RBM44: variants seen among roughly 807,000 people sequenced by gnomAD.
RBM44 encodes the protein RNA-binding protein 44.
A neutral mutation model predicts 105.1 loss-of-function variants in RBM44; 66 were observed. The ratio of observed to expected loss-of-function variants is 0.63; its 90% confidence interval spans 0.52 to 0.77. The LOEUF is 0.77. RBM44 is among the 30% of genes least tolerant of loss of function. The pLI is 0.00. For missense variants in RBM44, 1,122 were observed against 1,207.8 expected (o/e 0.93, Z 1.05); for synonymous variants, 365 against 417.6 (o/e 0.87, Z 1.54).
intron 5 of RBM44, 69 bp downstream of exon 5, chr2:237,820,420 T>C (rs1343664474): frequency 1.1e-6 from 1 of 933,078 alleles, no homozygotes; most frequent in Admixed American, 3.3e-5. Context: ...TTCTAGAGAG[T>C]TTCTCTAATT....
chr2:237,799,803 T>C (rs1369110720), intron 1 of RBM44, among the ~76,000 whole-genome samples: 3 of 152,182 alleles, frequency 2.0e-5, no homozygotes, highest in Admixed American at 6.5e-5. Context: ...GAAAGATTAT[T>C]CTGGCCAGAT....
rs904037758 is a variant in RBM44, at chr2:237,803,564, T to C, written c.-19+4703T>C. Among the ~76,000 whole-genome samples, 3 of 152,208 alleles carry C rather than the reference T, an allele frequency of 2.0e-5. No individual in the cohort carries two copies. The highest frequency in any genetic ancestry group is 2.0e-4 in the Admixed American group (3 of 15,284). ...GATATATGGATTGTGAATACTTTATTCCAGTCTTTGGCTTGTGTTTCCATT... is the reference window on the plus strand; with the variant it reads ...GATATATGGATTGTGAATACTTTATCCCAGTCTTTGGCTTGTGTTTCCATT... On this transcript the variant is annotated intron_variant, in intron 1 of 15. Transcript: ENST00000316997. The surrounding 1 kb of genome is among the most constrained non-coding windows in gnomAD (Gnocchi z 4.2).
At chr2:237,815,746 A>C (rs896354310) in intron 2 of RBM44, among the ~76,000 whole-genome samples, 31 of 152,070 alleles carry the variant, frequency 2.0e-4, no homozygotes, top group African/African-American at 7.5e-4. Context: ...TTTGAAAACC[A>C]CTGCTCTCTC....
Position 237,798,869 on chromosome 2 carries a change from G to C in RBM44, c.-19+8G>C, listed in dbSNP as rs1158336534. 6.5e-6 allele frequency: 1 copy of C among 153,614 alleles called. No individual in the cohort carries two copies. Among genetic ancestry groups the C allele is most frequent in the Admixed American group, 6.5e-5 (1 of 15,284 alleles). 9.5% of individuals were successfully genotyped at this position (153,614 alleles called of 1,614,324 possible). On this transcript the variant is annotated splice_region_variant and intron_variant, in intron 1 of 15. Transcript: ENST00000316997. The surrounding 1 kb of genome is among the most constrained non-coding windows in gnomAD (Gnocchi z 4.3). The stretch of plus-strand genomic sequence containing the variant: ...CTTTCTAGCGGATCCGAGGTGCGAC[G>C]GACAGAGACGCGGGGCGGCAGGTCG...
At chr2:237,829,574 A>G in intron 13 of RBM44, 72 bp downstream of exon 13, 1 of 1,278,832 alleles carries the variant, frequency 7.8e-7, no homozygotes, top group Non-Finnish European at 1.1e-6. Flanking sequence ...TGTAGAATAA[A>G]TAACTTCAAT....
chr2:237,834,158 A>G lies in RBM44; in HGVS notation c.3032+16A>G. On this transcript the variant is annotated intron_variant, in intron 14 of 15. Transcript: ENST00000316997. Reference sequence around the variant, plus strand: ...AAGTCAGCAGGTAATAACCAAAATTATATTTTAACTGCTTTAAAACTTCTG... The same window carrying G: ...AAGTCAGCAGGTAATAACCAAAATTGTATTTTAACTGCTTTAAAACTTCTG... 1 of 1,547,048 alleles carries G rather than the reference A, an allele frequency of 6.5e-7. No homozygotes were observed. Among genetic ancestry groups the G allele is most frequent in the Non-Finnish European group, 8.7e-7 (1 of 1,146,528 alleles).
Position 237,817,470 on chromosome 2 carries a change from C to CA in RBM44, c.552dup (p.Gln185ThrfsTer15). On this transcript the variant is annotated frameshift_variant, in exon 3 of 16. Coordinates refer to ENST00000316997, the MANE Select transcript of RBM44 (RefSeq NM_001080504.3). LOFTEE classifies it high-confidence loss of function. ...CAAAAGCATGATACAGATGAAGACT[C>CA]ACAGCAGGAATATCACAGTGCAGAA... 1.2e-6 allele frequency: 2 copies of CA among 1,602,062 alleles called. No homozygotes were observed. Among genetic ancestry groups the CA allele is most frequent in the Non-Finnish European group, 1.7e-6 (2 of 1,173,542 alleles).
intron 13 of RBM44, among the ~76,000 whole-genome samples, chr2:237,830,786 C>T (rs1461395232): frequency 6.6e-6 from 1 of 152,092 alleles, no homozygotes; most frequent in Non-Finnish European, 1.5e-5. Flanking sequence ...AGTACACTGT[C>T]TTCATTACTG....
At chr2:237,816,632 TC>T (rs1379029987) in intron 2 of RBM44, among the ~76,000 whole-genome samples, 1 of 152,136 alleles carries the variant, frequency 6.6e-6, no homozygotes, top group East Asian at 1.9e-4. Context: ...AGGGGTCTCT[TC>T]CTAGCTTGTA....
At chr2:237,816,940 G>C (rs909655744) in intron 2 of RBM44, 53 bp from the exon 3 acceptor site, 23 of 1,112,770 alleles carry the variant, frequency 2.1e-5, no homozygotes, top group Non-Finnish European at 2.9e-5. Context: ...GGTTTTTCTA[G>C]TGTCTAGATT....
Position 237,840,024 on chromosome 2 carries a change from A to G in RBM44, c.*23-1815A>G, listed in dbSNP as rs555803810. Among the ~76,000 whole-genome samples, 349 of 152,194 alleles carry G rather than the reference A, an allele frequency of 2.3e-3. 3 individuals are homozygous for G. The highest frequency in any genetic ancestry group is 7.8e-3 in the African/African-American group (325 of 41,514). On this transcript the variant is annotated intron_variant, in intron 15 of 15. Coordinates refer to ENST00000316997, the MANE Select transcript of RBM44 (RefSeq NM_001080504.3). ...GGCAACATGGTGAAACCCCATCTCC[A>G]CAAAAAATACGAAAATTAGCCGAGC...
At chr2:237,838,635 G>A (rs1190323860) in intron 15 of RBM44, among the ~76,000 whole-genome samples, 2 of 152,212 alleles carry the variant, frequency 1.3e-5, no homozygotes, top group Non-Finnish European at 2.9e-5. Context: ...GATGTTCTGT[G>A]TTGGGGGTAC....
At chr2:237,838,909 A>C (rs1246081340) in intron 15 of RBM44, among the ~76,000 whole-genome samples, 2 of 152,222 alleles carry the variant, frequency 1.3e-5, no homozygotes, top group African/African-American at 4.8e-5. Context: ...CTCAGTGCCC[A>C]AGGATTTTAC....
At chr2:237,812,328 C>T (rs78360512) in intron 1 of RBM44, among the ~76,000 whole-genome samples, 2,049 of 152,168 alleles carry the variant, frequency 0.013, 49 homozygotes, top group East Asian at 0.076. Flanking sequence ...CTGTTTAATT[C>T]ATTTATTTCT....
At chr2:237,838,265 A>T (rs1244541194) in intron 15 of RBM44, among the ~76,000 whole-genome samples, 1 of 152,228 alleles carries the variant, frequency 6.6e-6, no homozygotes, top group African/African-American at 2.4e-5. Flanking sequence ...CAATTCTCCA[A>T]GCCCAAAGCT....
In RBM44 at chr2:237,817,706, A is replaced by G; in HGVS notation, c.787A>G (p.Lys263Glu). 1.9e-6 allele frequency: 3 copies of G among 1,612,638 alleles called. No homozygotes were observed. Among genetic ancestry groups the G allele is most frequent in the Non-Finnish European group, 2.5e-6 (3 of 1,179,262 alleles). The change falls in exon 3 of 16, where the codon AAA (lysine) becomes GAA (glutamate). Residue 263 changes from lysine to glutamate, a missense_variant. Lys to Glu is a moderately conservative substitution (Grantham distance 56). Around this residue, in one of 3 missense-constraint regions of RBM44, gnomAD observed 918 missense variants for 955.3 expected, o/e 0.96. Coordinates refer to ENST00000316997, the MANE Select transcript of RBM44 (RefSeq NM_001080504.3). ...YGQEESLHVS[K>E]FQNSVMLREY... is the part of the protein sequence containing the mutation. The stretch of plus-strand genomic sequence containing the variant: ...ACAAGAAGAGTCACTTCATGTCTCC[A>G]AATTTCAGAATTCTGTTATGTTAAG...
At chr2:237,807,179 C>G (rs79749461) in intron 1 of RBM44, among the ~76,000 whole-genome samples, 4,065 of 152,140 alleles carry the variant, frequency 0.027, 74 homozygotes, top group Middle Eastern at 0.078. Context: ...GATGGAATCT[C>G]GCTCTGTTGC....
rs1297554714 is a variant in RBM44 at position 237,803,850 on chromosome 2, T to C, written c.-19+4989T>C. 2.0e-5 allele frequency among the ~76,000 whole-genome samples: 3 copies of C among 152,166 alleles called. No individual in the cohort carries two copies. Among genetic ancestry groups the C allele is most frequent in the Non-Finnish European group, 2.9e-5 (2 of 68,046 alleles). ...AAAATCTAGATAGTAGAAATATACT[T>C]GTGCCAGTACCATTTATTGAATATG... On this transcript the variant is annotated intron_variant, in intron 1 of 15. Coordinates refer to ENST00000316997, the MANE Select transcript of RBM44 (RefSeq NM_001080504.3). The surrounding 1 kb of genome is among the most constrained non-coding windows in gnomAD (Gnocchi z 4.2).
rs760888875 is a variant in RBM44 at position 237,818,964 on chromosome 2, A to G, written c.1736+5A>G. On this transcript the variant is annotated splice_donor_5th_base_variant and intron_variant, in intron 4 of 15. Transcript: ENST00000316997. The surrounding 1 kb of genome is among the most constrained non-coding windows in gnomAD (Gnocchi z 4.6). Reference sequence around the variant, plus strand: ...CCTAAAGAAACATCCTGAGAGGTACATCATTTATATATGCTTACAGATACA... The same window carrying G: ...CCTAAAGAAACATCCTGAGAGGTACGTCATTTATATATGCTTACAGATACA... 7.1e-7 allele frequency: 1 copy of G among 1,406,728 alleles called. No homozygotes were observed. 87.1% of individuals were successfully genotyped at this position (1,406,728 alleles called of 1,614,324 possible). A position where few individuals can be genotyped will look rare whatever the true frequency, so the allele number is the denominator to read the frequency against.
Sources: allele counts gnomAD v4.1 joint callset (sites outside exome capture counted in the v4.1 genomes callset), GRCh38; gene constraint gnomAD v4.1.1; regional missense constraint gnomAD v4.1.1; non-coding constraint Gnocchi (gnomAD v3.1); transcripts MANE v1.5; gene names NCBI Gene and HGNC (gene_info 2026-07-23, HGNC 2026-07-21).